ATP9B: variants seen among roughly 807,000 people sequenced by gnomAD.
The protein encoded by ATP9B is probable phospholipid-transporting ATPase IIB.
In ATP9B, 110 loss-of-function variants were observed where a neutral mutation model predicts 146.1. That is an observed-to-expected ratio of 0.75 (90% confidence interval 0.65 to 0.88). The LOEUF (loss-of-function observed/expected upper bound fraction) is 0.88, where lower values mean the gene tolerates loss of function less well. Among genes scored for constraint, ATP9B ranks in the 40% least tolerant of loss-of-function variants. The pLI is 0.00. For synonymous variants in ATP9B, 604 were observed against 569.7 expected, an observed-to-expected ratio of 1.06 and a Z score of -0.86; for missense variants, 1,499 against 1,496.4, an observed-to-expected ratio of 1.00 and a Z score of -0.03.
intron 13 of ATP9B, among the ~76,000 whole-genome samples, chr18:79,285,593 T>C (rs1389646426): frequency 6.6e-6 from 1 of 152,144 alleles, no homozygotes; most frequent in Admixed American, 6.5e-5. Flanking sequence ...TGGTAGTTTC[T>C]TTTGCTCTGC....
At chr18:79,197,702 C>CA (rs1455494598) in intron 9 of ATP9B, among the ~76,000 whole-genome samples, 1 of 151,942 alleles carries the variant, frequency 6.6e-6, no homozygotes, top group African/African-American at 2.4e-5. Flanking sequence ...GTTTCTTTCC[C>CA]CTGAAAAAAG....
At chr18:79,074,591 A>T (rs534877146) in intron 1 of ATP9B, among the ~76,000 whole-genome samples, 2 of 152,358 alleles carry the variant, frequency 1.3e-5, no homozygotes, top group East Asian at 3.9e-4. Flanking sequence ...AGCAGCTTGT[A>T]GTGGCAAGTT....
At chr18:79,347,711 T>C in intron 23 of ATP9B, 59 bp from the exon 24 acceptor site, 3 of 1,479,886 alleles carry the variant, frequency 2.0e-6, no homozygotes, top group Non-Finnish European at 2.7e-6. Context: ...AACTCACTTT[T>C]GGAGTCTGAT....
intron 14 of ATP9B, among the ~76,000 whole-genome samples, chr18:79,305,128 G>A (rs1009860587): frequency 8.5e-5 from 13 of 152,338 alleles, no homozygotes; most frequent in African/African-American, 2.4e-4. Context: ...GCCACCTGGC[G>A]ACGTCAGCTG....
intron 12 of ATP9B, among the ~76,000 whole-genome samples, chr18:79,258,390 A>G (rs764409116): frequency 3.3e-5 from 5 of 152,188 alleles, no homozygotes; most frequent in Admixed American, 6.5e-5. Flanking sequence ...AGATCACACC[A>G]CTGCACTCCA....
chr18:79,267,222 C>G (rs1237623685), intron 12 of ATP9B, among the ~76,000 whole-genome samples: 1 of 152,008 alleles, frequency 6.6e-6, no homozygotes. Context: ...TCATATTTTC[C>G]TGTTATCCCT....
intron 23 of ATP9B, among the ~76,000 whole-genome samples, chr18:79,347,193 T>A (rs977223063): frequency 6.6e-6 from 1 of 152,214 alleles, no homozygotes; most frequent in African/African-American, 2.4e-5. Flanking sequence ...TACTCTCTCC[T>A]TCTCCACAGT....
chr18:79,270,962 G>A (rs1461143034), intron 12 of ATP9B, among the ~76,000 whole-genome samples: 1 of 152,176 alleles, frequency 6.6e-6, no homozygotes, highest in Non-Finnish European at 1.5e-5. Flanking sequence ...GGGGGCCACT[G>A]TCAGTCTAAG....
At chr18:79,325,673 G>A (rs1484787374) in intron 15 of ATP9B, among the ~76,000 whole-genome samples, 1 of 152,112 alleles carries the variant, frequency 6.6e-6, no homozygotes, top group Non-Finnish European at 1.5e-5. Flanking sequence ...GTCAGTGGCA[G>A]TGGCACCTGG....
At chr18:79,293,143 C>T (rs1460664614) in intron 13 of ATP9B, among the ~76,000 whole-genome samples, 1 of 150,328 alleles carries the variant, frequency 6.7e-6, no homozygotes, top group Non-Finnish European at 1.5e-5. Context: ...ACTAGATATC[C>T]CATGCAAAAA....
intron 11 of ATP9B, among the ~76,000 whole-genome samples, chr18:79,237,688 TTG>T (rs869085521): frequency 4.1e-5 from 5 of 122,844 alleles, no homozygotes; most frequent in Admixed American, 2.4e-4. Context: ...TTTTTTTTTT[TTG>T]GGGGGGGGTG....
intron 7 of ATP9B, among the ~76,000 whole-genome samples, chr18:79,172,546 A>G (rs1003124655): frequency 1.0e-4 from 12 of 118,168 alleles, no homozygotes; most frequent in Non-Finnish European, 2.1e-4. Flanking sequence ...TTGGCCTCCC[A>G]AGGTGCTGTG....
intron 17 of ATP9B, among the ~76,000 whole-genome samples, chr18:79,334,255 G>A (rs187480463): frequency 1.8e-4 from 28 of 152,164 alleles, no homozygotes; most frequent in Admixed American, 1.2e-3. Flanking sequence ...TGCTGGGGAG[G>A]CTGAGGCAGG....
chr18:79,369,261 G>A (rs893890263), intron 26 of ATP9B, among the ~76,000 whole-genome samples: 11 of 151,754 alleles, frequency 7.2e-5, no homozygotes, highest in Admixed American at 1.3e-4. Context: ...TGAGCCGGGC[G>A]TGGTGGCTCA....
chr18:79,256,765 T>A (rs1448392632), intron 12 of ATP9B, among the ~76,000 whole-genome samples: 1 of 152,200 alleles, frequency 6.6e-6, no homozygotes, highest in Non-Finnish European at 1.5e-5. Context: ...CATTTTGCTG[T>A]CCTGTTTGGT....
At chr18:79,281,712 A>G (rs1465143836) in intron 13 of ATP9B, among the ~76,000 whole-genome samples, 3 of 152,180 alleles carry the variant, frequency 2.0e-5, no homozygotes, top group African/African-American at 7.2e-5. Flanking sequence ...TCCTAAAACC[A>G]TTAGAGTAGT....
intron 15 of ATP9B, among the ~76,000 whole-genome samples, chr18:79,309,720 G>C (rs11659664): frequency 0.049 from 7,468 of 151,640 alleles, 337 homozygotes; most frequent in African/African-American, 0.12. Context: ...GTTTCTCTTA[G>C]GGGATGAAAA....
chr18:79,233,821 A>G lies in ATP9B; in HGVS notation c.1108-19560A>G, dbSNP rs73971586. Among the ~76,000 whole-genome samples the G allele has an allele frequency of 4.8e-3, 736 of 152,354 alleles. 10 individuals are homozygous for G. Among genetic ancestry groups the G allele is most frequent in the African/African-American group, 0.016 (656 of 41,572 alleles). ...GCCTTACCAGTAACACAGACCGTCA[A>G]TTCACCCACATTTTGTATGTAAAAT... On this transcript the variant is annotated intron_variant, in intron 11 of 29. Transcript: ENST00000426216.
chr18:79,287,264 G>A (rs1426362337), intron 13 of ATP9B, among the ~76,000 whole-genome samples: 2 of 152,106 alleles, frequency 1.3e-5, no homozygotes, highest in African/African-American at 4.8e-5. Flanking sequence ...CTTTTTGGTT[G>A]GTAAGCTATT....
Sources: allele counts gnomAD v4.1 joint callset (sites outside exome capture counted in the v4.1 genomes callset), GRCh38; gene constraint gnomAD v4.1.1; transcripts MANE v1.5; gene names NCBI Gene and HGNC (gene_info 2026-07-23, HGNC 2026-07-21).